Variants in ANO3 observed in about 807,000 individuals in gnomAD.
ANO3 encodes anoctamin 3.
A neutral mutation model predicts 144.8 loss-of-function variants in ANO3; 99 were observed. The observed-to-expected ratio is 0.68, with a 90% CI of 0.58 to 0.81. The LOEUF is 0.81. ANO3 is among the 30% of genes least tolerant of loss of function. The pLI, the probability that ANO3 is intolerant of heterozygous loss-of-function variation, is 0.00. For synonymous variants in ANO3, 414 were observed against 392.6 expected (o/e 1.05, Z -0.64); for missense variants, 905 against 1,202.2 (o/e 0.75, Z 3.66).
intron 6 of ANO3, among the ~76,000 whole-genome samples, chr11:26,524,679 G>A (rs1168628217): frequency 6.6e-6 from 1 of 152,120 alleles, no homozygotes; most frequent in Non-Finnish European, 1.5e-5. Flanking sequence ...TTAATTTTTA[G>A]TTTCTCTAAG....
At chr11:26,658,991 T>A (rs1460604056) in intron 26 of ANO3, among the ~76,000 whole-genome samples, 1 of 152,034 alleles carries the variant, frequency 6.6e-6, no homozygotes, top group Non-Finnish European at 1.5e-5. Flanking sequence ...ATATCTACTC[T>A]TCTTCATAGG....
intron 9 of ANO3, among the ~76,000 whole-genome samples, chr11:26,536,124 AGCCTGGC>A (rs2134194098): frequency 7.1e-5 from 1 of 14,018 alleles, no homozygotes; most frequent in Middle Eastern, 0.036. Context: ...GTTCAAGACC[AGCCTGGC>A]CAACATGGTA....
At chr11:26,214,681 C>T (rs1227869463) in intron 1 of ANO3, among the ~76,000 whole-genome samples, 2 of 151,928 alleles carry the variant, frequency 1.3e-5, no homozygotes, top group African/African-American at 4.8e-5. Flanking sequence ...ATACACCACA[C>T]TCCATTTTCC....
chr11:26,246,966 A>G (rs2133816177), intron 1 of ANO3, among the ~76,000 whole-genome samples: 1 of 152,318 alleles, frequency 6.6e-6, no homozygotes, highest in South Asian at 2.1e-4. Flanking sequence ...TATTTCTTAT[A>G]GCAGCATGAG....
chr11:26,553,213 T>C (rs200666521), intron 12 of ANO3, 36 bp from the exon 13 acceptor site: 147 of 1,205,310 alleles, frequency 1.2e-4, no homozygotes, highest in Admixed American at 4.8e-4. Context: ...TTTCATGCTA[T>C]GTTTTGTTTT....
chr11:26,640,300 C>T (rs1048534142), intron 21 of ANO3, among the ~76,000 whole-genome samples: 1 of 152,084 alleles, frequency 6.6e-6, no homozygotes. Flanking sequence ...CTTTTTAAAC[C>T]TTCATCATAA....
At chr11:26,391,346 A>G (rs755221399) in intron 1 of ANO3, among the ~76,000 whole-genome samples, 3 of 152,054 alleles carry the variant, frequency 2.0e-5, no homozygotes, top group Non-Finnish European at 2.9e-5. Context: ...CTAATCCATT[A>G]ATCCATAAAT....
At position 26,292,521 on chromosome 11, in the gene ANO3, G is replaced by A. The variant is rs138550021; in HGVS notation, c.155-17124G>A. 8.3e-3 allele frequency among the ~76,000 whole-genome samples: 1,267 copies of A among 152,206 alleles called. 11 individuals carry two copies. The highest frequency in any genetic ancestry group is 0.029 in the African/African-American group (1,203 of 41,528). Reference sequence around the variant, plus strand: ...GATTTTTAGAATTTTCAGCTTTTCCGCTCTGGTTTCTCCCCATCTTTGTGG... The same window carrying A: ...GATTTTTAGAATTTTCAGCTTTTCCACTCTGGTTTCTCCCCATCTTTGTGG... On this transcript the variant is annotated intron_variant, in intron 1 of 27. Coordinates refer to the ANO3 transcript ENST00000672621.
At chr11:26,449,074 C>A (rs140590025) in intron 3 of ANO3, among the ~76,000 whole-genome samples, 144 of 152,282 alleles carry the variant, frequency 9.5e-4, no homozygotes, top group Middle Eastern at 3.4e-3. Context: ...ATTCAGAGAC[C>A]TCACAGAATC....
chr11:26,649,309 CTTAA>C (rs1160950125), intron 24 of ANO3, among the ~76,000 whole-genome samples: 2 of 152,090 alleles, frequency 1.3e-5, no homozygotes, highest in Non-Finnish European at 1.5e-5. Context: ...ATAATCTGTT[CTTAA>C]TTATTTCTGC....
chr11:26,537,521 CTGT>C, intron 10 of ANO3, 60 bp downstream of exon 10: 1 of 1,386,344 alleles, frequency 7.2e-7, no homozygotes, highest in Non-Finnish European at 1.0e-6. Flanking sequence ...ATGCTTGGTC[CTGT>C]TGTTTGCATT....
At chr11:26,209,759 T>G (rs767535427) in intron 1 of ANO3, among the ~76,000 whole-genome samples, 1 of 152,246 alleles carries the variant, frequency 6.6e-6, no homozygotes, top group Non-Finnish European at 1.5e-5. Context: ...GAGCTTTTTT[T>G]CGTGTTTGTT....
intron 1 of ANO3, among the ~76,000 whole-genome samples, chr11:26,381,645 G>T: frequency 6.6e-6 from 1 of 152,274 alleles, no homozygotes; most frequent in South Asian, 2.1e-4. Context: ...TTGACTGAAA[G>T]AATGATTTCA....
At chr11:26,561,096 T>A (rs1850270425) in intron 14 of ANO3, 1 of 1,611,858 alleles carries the variant, frequency 6.2e-7, no homozygotes, top group East Asian at 2.2e-5. Context: ...AGGTATGTCA[T>A]CCATAGGAAT....
At chr11:26,646,214 A>G (rs1184445438) in intron 23 of ANO3, among the ~76,000 whole-genome samples, 1 of 152,150 alleles carries the variant, frequency 6.6e-6, no homozygotes, top group African/African-American at 2.4e-5. Context: ...AGCTCAAAAC[A>G]TATTCATCTA....
chr11:26,374,935 G>T (rs1165341236), intron 1 of ANO3, among the ~76,000 whole-genome samples: 1 of 152,026 alleles, frequency 6.6e-6, no homozygotes, highest in Non-Finnish European at 1.5e-5. Context: ...GTAGAGACAG[G>T]GTTTCACCAT....
intron 5 of ANO3, among the ~76,000 whole-genome samples, chr11:26,511,567 TA>T (rs1456106734): frequency 6.6e-6 from 1 of 152,206 alleles, no homozygotes; most frequent in Non-Finnish European, 1.5e-5. Context: ...TTTAATAGGA[TA>T]ACCTTTATCA....
rs1007025765 is a variant in ANO3 at position 26,378,553 on chromosome 11, A to T, written c.46+46232A>T. ...ATTAAAAAGTAAAAGGAGAAAATTT[A>T]AAAAATTAAAATGAGAAAACAAAAT... On this transcript the variant is annotated intron_variant, in intron 1 of 26. Transcript: ENST00000256737. Among the ~76,000 whole-genome samples the T allele has an allele frequency of 2.0e-5, 3 of 152,088 alleles. No individual in the cohort carries two copies. In the East Asian group the frequency reaches 5.8e-4, roughly 29 times the overall value.
At chr11:26,582,723 ACTTT>A (rs1851167767) in intron 14 of ANO3, among the ~76,000 whole-genome samples, 1 of 152,032 alleles carries the variant, frequency 6.6e-6, no homozygotes. Flanking sequence ...TCTTCTTTAT[ACTTT>A]TAATTAATTA....
Sources: allele counts gnomAD v4.1 joint callset (sites outside exome capture counted in the v4.1 genomes callset), GRCh38; gene constraint gnomAD v4.1.1; transcripts MANE v1.5; gene names NCBI Gene and HGNC (gene_info 2026-07-23, HGNC 2026-07-21).